Variants in GMDS observed in about 807,000 individuals in gnomAD.
The protein encoded by GMDS is GDP-mannose 4,6-dehydratase.
GMDS carries 20 observed loss-of-function variants against 49.9 expected under a neutral mutation model. The ratio of observed to expected loss-of-function variants is 0.40; its 90% confidence interval spans 0.28 to 0.58. The LOEUF is 0.58. Among genes scored for constraint, GMDS ranks in the 20% least tolerant of loss-of-function variants. The probability of loss-of-function intolerance (pLI) is 0.42; values close to 1 mark genes in which losing one functional copy is unlikely to be tolerated. For synonymous variants in GMDS, 177 were observed against 178.6 expected (o/e 0.99, Z 0.07); for missense variants, 362 against 481.4 (o/e 0.75, Z 2.32).
intron 6 of GMDS, 123 bp from the exon 7 acceptor site, chr6:1,930,353 T>C (rs1262702779): frequency 7.7e-6 from 5 of 646,226 alleles, no homozygotes; most frequent in Non-Finnish European, 1.3e-5. Context: ...GCCACCCTGT[T>C]AAAACAATAA....
intron 7 of GMDS, among the ~76,000 whole-genome samples, chr6:1,857,112 G>A (rs1757973097): frequency 6.6e-6 from 1 of 152,224 alleles, no homozygotes; most frequent in Non-Finnish European, 1.5e-5. Flanking sequence ...TCATCAAGAT[G>A]CTCTCAGGCT....
At chr6:2,083,423 T>C (rs1361883047) in intron 4 of GMDS, among the ~76,000 whole-genome samples, 2 of 152,022 alleles carry the variant, frequency 1.3e-5, no homozygotes, top group Non-Finnish European at 2.9e-5. Context: ...ACAAAAACCA[T>C]AAATACATCC....
intron 7 of GMDS, among the ~76,000 whole-genome samples, chr6:1,851,699 G>A (rs1393821647): frequency 6.6e-6 from 1 of 151,972 alleles, no homozygotes; most frequent in Non-Finnish European, 1.5e-5. Flanking sequence ...TTTTACCACT[G>A]AACACTATAT....
chr6:1,935,279 T>C (rs1021490865), intron 6 of GMDS, among the ~76,000 whole-genome samples: 1 of 152,174 alleles, frequency 6.6e-6, no homozygotes, highest in Non-Finnish European at 1.5e-5. Context: ...GCCAAATCAC[T>C]GGGTACACTA....
intron 9 of GMDS, among the ~76,000 whole-genome samples, chr6:1,714,711 G>A (rs1226425898): frequency 6.6e-6 from 1 of 152,264 alleles, no homozygotes; most frequent in East Asian, 1.9e-4. Context: ...GAGGCTCAGA[G>A]CCGGCAATGC....
chr6:2,089,754 T>C (rs1773212994), intron 4 of GMDS, among the ~76,000 whole-genome samples: 1 of 152,226 alleles, frequency 6.6e-6, no homozygotes, highest in Non-Finnish European at 1.5e-5. Context: ...AACTAAATCC[T>C]GAGTTTAAAA....
intron 4 of GMDS, among the ~76,000 whole-genome samples, chr6:2,114,972 C>CA (rs1554166845): frequency 5.3e-5 from 8 of 151,114 alleles, no homozygotes; most frequent in South Asian, 4.2e-4. Context: ...AACAAACAAA[C>CA]AAAAAAAAAC....
intron 4 of GMDS, among the ~76,000 whole-genome samples, chr6:2,022,743 C>T (rs150882441): frequency 2.0e-4 from 31 of 152,240 alleles, no homozygotes; most frequent in African/African-American, 7.2e-4. Context: ...AGGAAAAGAG[C>T]ATTCCCAAAA....
intron 4 of GMDS, among the ~76,000 whole-genome samples, chr6:2,114,393 T>C (rs1258652536): frequency 1.3e-5 from 2 of 151,978 alleles, no homozygotes; most frequent in African/African-American, 4.8e-5. Flanking sequence ...TAGGGAAAAA[T>C]AAAGTCTTCA....
In GMDS at chr6:2,049,105, T is replaced by C. The variant is rs188526736; in HGVS notation, c.345+66666A>G. Among the ~76,000 whole-genome samples, 26 of 152,338 alleles carry C rather than the reference T, an allele frequency of 1.7e-4. No individual in the cohort carries two copies. In the East Asian group the frequency reaches 5.0e-3, roughly 29 times the overall value. On this transcript the variant is annotated intron_variant, in intron 4 of 10. Coordinates refer to ENST00000380815, the MANE Select transcript of GMDS (RefSeq NM_001500.4). Reference sequence around the variant, plus strand: ...ACAAGAACTGAATTTGCCTTGATCTTGTGACTTCCCGGCCTCCAGAACTGC... The same window carrying C: ...ACAAGAACTGAATTTGCCTTGATCTCGTGACTTCCCGGCCTCCAGAACTGC...
chr6:1,991,968 GCT>G (rs1765971345), intron 4 of GMDS, among the ~76,000 whole-genome samples: 1 of 152,214 alleles, frequency 6.6e-6, no homozygotes, highest in African/African-American at 2.4e-5. Flanking sequence ...AGGCCAAATC[GCT>G]GCAAATCCCT....
chr6:2,073,673 A>C (rs1772148314), intron 4 of GMDS, among the ~76,000 whole-genome samples: 1 of 152,120 alleles, frequency 6.6e-6, no homozygotes, highest in Non-Finnish European at 1.5e-5. Context: ...CCACCCACAC[A>C]TCCTTCCCAC....
chr6:1,875,497 T>C (rs1048447859), intron 7 of GMDS, among the ~76,000 whole-genome samples: 2 of 152,176 alleles, frequency 1.3e-5, no homozygotes, highest in Admixed American at 6.6e-5. Flanking sequence ...CAGCACTATA[T>C]ATTACTGTCT....
chr6:2,150,688 A>C (rs1581716633), intron 1 of GMDS, among the ~76,000 whole-genome samples: 1 of 152,208 alleles, frequency 6.6e-6, no homozygotes, highest in African/African-American at 2.4e-5. Context: ...TCTTAAACTA[A>C]AGAATATTTA....
At chr6:1,980,699 G>A (rs1052279754) in intron 4 of GMDS, among the ~76,000 whole-genome samples, 2 of 152,114 alleles carry the variant, frequency 1.3e-5, no homozygotes, top group African/African-American at 4.8e-5. Context: ...GGATCAAGAG[G>A]ATCTGATAGA....
intron 7 of GMDS, among the ~76,000 whole-genome samples, chr6:1,790,341 A>G (rs938145842): frequency 2.0e-5 from 3 of 152,226 alleles, no homozygotes; most frequent in Non-Finnish European, 4.4e-5. Context: ...GGAGTTAGGC[A>G]TGGTCTTACC....
At chr6:2,236,081 A>G (rs1462738634) in intron 1 of GMDS, among the ~76,000 whole-genome samples, 1 of 152,194 alleles carries the variant, frequency 6.6e-6, no homozygotes, top group Non-Finnish European at 1.5e-5. Context: ...TATGCAGAAT[A>G]ATAAAAATAA....
At chr6:1,922,002 T>G (rs1761738627) in intron 7 of GMDS, among the ~76,000 whole-genome samples, 1 of 152,172 alleles carries the variant, frequency 6.6e-6, no homozygotes, top group South Asian at 2.1e-4. Context: ...ATATTTCCCT[T>G]CCAAGAAAGA....
At chr6:2,063,346 C>T (rs1011806593) in intron 4 of GMDS, among the ~76,000 whole-genome samples, 2 of 152,148 alleles carry the variant, frequency 1.3e-5, no homozygotes. Context: ...TTACCTGAAA[C>T]GGTAAGATCT....
Sources: gnomAD v4.1 joint callset for allele counts (sites outside exome capture counted in the v4.1 genomes callset) on GRCh38, gnomAD v4.1.1 for gene constraint, MANE v1.5 for transcripts, NCBI Gene and HGNC (gene_info 2026-07-23, HGNC 2026-07-21) for gene names.